The following PLXNC1 variants were observed in gnomAD, a reference collection of about 807,000 sequenced individuals.
PLXNC1 encodes the protein plexin-C1.
In PLXNC1, 75 loss-of-function variants were observed where a neutral mutation model predicts 178.2. The observed-to-expected ratio is 0.42, with a 90% confidence interval of 0.35 to 0.51. The LOEUF is 0.51. PLXNC1 is among the 20% of genes least tolerant of loss of function. The pLI is 0.02. For synonymous variants in PLXNC1, 790 were observed against 779.9 expected, an observed-to-expected ratio of 1.01 and a Z score of -0.22; for missense variants, 1,503 against 1,984.4, an observed-to-expected ratio of 0.76 and a Z score of 4.61.
At chr12:94,219,823 A>G (rs113089136) in intron 5 of PLXNC1, among the ~76,000 whole-genome samples, 193 bp from the exon 6 acceptor site, 172 of 51,534 alleles carry the variant, frequency 3.3e-3, no homozygotes, top group African/African-American at 5.4e-3. Context: ...TTATTTATTT[A>G]TTTATTTATT....
intron 24 of PLXNC1, 78 bp from the exon 25 acceptor site, chr12:94,297,111 C>T (rs1968006410): frequency 8.3e-6 from 12 of 1,443,458 alleles, no homozygotes; most frequent in Non-Finnish European, 1.2e-5. Context: ...CAAATGGGGC[C>T]TTTTAAGAGA....
intron 30 of PLXNC1, 83 bp from the exon 31 acceptor site, chr12:94,305,098 C>T: frequency 1.3e-6 from 1 of 766,462 alleles, no homozygotes; most frequent in African/African-American, 1.8e-5. Flanking sequence ...CAGATTTTAC[C>T]ACTCACAGCA....
intron 4 of PLXNC1, among the ~76,000 whole-genome samples, chr12:94,203,093 G>A (rs568392362): frequency 6.6e-6 from 1 of 152,286 alleles, no homozygotes; most frequent in South Asian, 2.1e-4. Context: ...TGGGGGGTAA[G>A]CATGGGTTGT....
intron 17 of PLXNC1, chr12:94,256,022 A>G (rs1964827869): frequency 6.6e-6 from 1 of 152,288 alleles, no homozygotes; most frequent in African/African-American, 2.4e-5. Context: ...GTCTTTGGCG[A>G]GGTACACTCA....
intron 20 of PLXNC1, chr12:94,262,416 G>T: frequency 1.2e-6 from 1 of 859,386 alleles, no homozygotes; most frequent in Non-Finnish European, 1.4e-6. Context: ...TTAACTCTGA[G>T]CTTTCAAGGG....
At chr12:94,186,576 G>T in intron 4 of PLXNC1, 103 bp downstream of exon 4, 1 of 721,554 alleles carries the variant, frequency 1.4e-6, no homozygotes. Flanking sequence ...TGACCTGAGG[G>T]AACTGATCTC....
chr12:94,240,449 G>C (rs1964357527), intron 10 of PLXNC1, 36 bp from the exon 11 acceptor site: 1 of 1,532,020 alleles, frequency 6.5e-7, no homozygotes, highest in African/African-American at 1.4e-5. Context: ...CTAAGTGTCT[G>C]TGTCATGTGA....
intron 4 of PLXNC1, among the ~76,000 whole-genome samples, chr12:94,197,306 G>A (rs1366511131): frequency 1.3e-5 from 2 of 152,180 alleles, no homozygotes; most frequent in African/African-American, 4.8e-5. Context: ...CCTTTCGGAC[G>A]TGATTAGGTC....
At chr12:94,212,821 G>T (rs2136007366) in intron 5 of PLXNC1, among the ~76,000 whole-genome samples, 1 of 150,910 alleles carries the variant, frequency 6.6e-6, no homozygotes, top group South Asian at 2.1e-4. Context: ...CCAGGTTCAT[G>T]CCATTCTCCT....
chr12:94,169,998 A>G (rs534366546), intron 2 of PLXNC1, among the ~76,000 whole-genome samples: 14 of 152,210 alleles, frequency 9.2e-5, no homozygotes, highest in Non-Finnish European at 1.6e-4. Context: ...CATCTTATCA[A>G]TGTCATCAGC....
At chr12:94,263,293 G>A (rs1287358860) in intron 20 of PLXNC1, among the ~76,000 whole-genome samples, 1 of 152,038 alleles carries the variant, frequency 6.6e-6, no homozygotes, top group East Asian at 1.9e-4. Context: ...GTCTAGAGTG[G>A]AGCTCAGGCA....
chr12:94,205,117 C>A (rs1382101552), intron 4 of PLXNC1, among the ~76,000 whole-genome samples: 2 of 152,114 alleles, frequency 1.3e-5, no homozygotes, highest in Admixed American at 1.3e-4. Flanking sequence ...TCTAGCCTAA[C>A]AGAGTTGGCT....
At position 94,282,209 on chromosome 12, in the gene PLXNC1, T is replaced by C. The variant is rs1966489306; in HGVS notation, c.3776-89T>C. 6 of 838,738 alleles carry C rather than the reference T, an allele frequency of 7.2e-6. No individual in the cohort carries two copies. In the East Asian group the frequency reaches 1.5e-4, roughly 20 times the overall value. The allele number at this position is 838,738 out of a possible 1,614,324, so 52.0% of individuals were successfully genotyped here. A position where few individuals can be genotyped will look rare whatever the true frequency, so the allele number is the denominator to read the frequency against. ...ACCTTCAAACAAAGATTTACCACTT[T>C]ATTCAAGTTTTAGTTATCCATAAAT... is the stretch of plus-strand genomic sequence containing the variant. On this transcript the variant is annotated intron_variant, in intron 22 of 30. Transcript: ENST00000258526.
At chr12:94,161,281 C>G (rs991883248) in intron 1 of PLXNC1, among the ~76,000 whole-genome samples, 2 of 152,142 alleles carry the variant, frequency 1.3e-5, no homozygotes, top group Non-Finnish European at 2.9e-5. Flanking sequence ...TTGTTCCCAT[C>G]TGTATTTTAC....
chr12:94,228,265 A>C (rs1964000889), intron 9 of PLXNC1, among the ~76,000 whole-genome samples: 2 of 152,236 alleles, frequency 1.3e-5, no homozygotes, highest in Non-Finnish European at 2.9e-5. Flanking sequence ...GGTCTTGTTA[A>C]GTAATGGGCT....
At chr12:94,215,129 C>T (rs1009377536) in intron 5 of PLXNC1, among the ~76,000 whole-genome samples, 4 of 152,172 alleles carry the variant, frequency 2.6e-5, no homozygotes, top group Admixed American at 6.5e-5. Flanking sequence ...AACTCCTGAA[C>T]TCAGGTGATC....
At chr12:94,168,027 T>A (rs1262679555) in intron 1 of PLXNC1, 3 of 152,170 alleles carry the variant, frequency 2.0e-5, no homozygotes, top group Non-Finnish European at 4.4e-5. Context: ...TAATGAATAT[T>A]TAATAAGACA....
At chr12:94,304,537 A>G (rs1296254836) in intron 30 of PLXNC1, among the ~76,000 whole-genome samples, 1 of 152,212 alleles carries the variant, frequency 6.6e-6, no homozygotes, top group African/African-American at 2.4e-5. Flanking sequence ...AAATTCAAAC[A>G]GACACATTCA....
At position 94,149,252 on chromosome 12, in the gene PLXNC1, C is replaced by G. The variant is rs756320813; in HGVS notation, c.281C>G (p.Ala94Gly). Residue 94 changes from alanine (A) to glycine (G), a missense_variant, in exon 1 of 31, where the codon GCG becomes GGG. Transcript: ENST00000258526. ...AACTGCACAGAGCCGGTCTCGCTGG[C>G]GCCCCCCGCGCGGCCCCGGCCCGGG... ...AGNCTEPVSL[A>G]PPARPRPGSS... 1.3e-6 allele frequency: 2 copies of G among 1,546,430 alleles called. No homozygotes were observed. Among genetic ancestry groups the G allele is most frequent in the East Asian group, 5.2e-5 (2 of 38,796 alleles).
Sources: gnomAD v4.1 joint callset for allele counts (sites outside exome capture counted in the v4.1 genomes callset) on GRCh38, gnomAD v4.1.1 for gene constraint, MANE v1.5 for transcripts, NCBI Gene and HGNC (gene_info 2026-07-23, HGNC 2026-07-21) for gene names.